PCDHGA11: variants seen among roughly 807,000 people sequenced by gnomAD.
PCDHGA11 encodes protocadherin gamma-A11.
PCDHGA11 carries 39 observed loss-of-function variants against 60.4 expected under a neutral mutation model. That is an observed-to-expected ratio of 0.65 (90% CI 0.50 to 0.84). PCDHGA11 has a LOEUF of 0.84. Ranked by LOEUF, PCDHGA11 falls within the 40% of genes least tolerant of loss-of-function variation. The pLI, the probability that PCDHGA11 is intolerant of heterozygous loss-of-function variation, is 0.00. For missense variants in PCDHGA11, 1,165 were observed against 1,197.7 expected (o/e 0.97, Z 0.40); for synonymous variants, 533 against 510.3 (o/e 1.04, Z -0.60).
chr5:141,489,354 G>A lies in PCDHGA11; in HGVS notation c.2434-5453G>A, dbSNP rs773010251. On this transcript the variant is annotated intron_variant, in intron 1 of 3. Coordinates refer to ENST00000398587, the MANE Select transcript of PCDHGA11 (RefSeq NM_018914.3). The surrounding 1 kb of genome is among the most constrained non-coding windows in gnomAD (Gnocchi z 4.5). ...AGCTTCGTTACTCAGTGGTGGAGGA[G>A]TCTGAGCCGGGGACGCTGGTGGGGA... The A allele has an allele frequency of 1.2e-5, 19 of 1,612,796 alleles. No homozygotes were observed. Among genetic ancestry groups the A allele is most frequent in the East Asian group, 2.2e-5 (1 of 44,868 alleles).
At chr5:141,471,743 C>T (rs769600930) in intron 1 of PCDHGA11, among the ~76,000 whole-genome samples, 2 of 152,142 alleles carry the variant, frequency 1.3e-5, no homozygotes, top group Non-Finnish European at 2.9e-5. Flanking sequence ...GGAGACATAA[C>T]ATATTTGAGG....
intron 1 of PCDHGA11, among the ~76,000 whole-genome samples, chr5:141,448,660 G>T (rs2098599264): frequency 6.6e-6 from 1 of 151,712 alleles, no homozygotes; most frequent in African/African-American, 2.4e-5. Context: ...TTCCATATTG[G>T]CCGGGCGCGG....
At chr5:141,441,932 C>A in intron 1 of PCDHGA11, 1 of 347,904 alleles carries the variant, frequency 2.9e-6, no homozygotes. Flanking sequence ...GCGTGGCTGT[C>A]CTACCACGTG....
intron 1 of PCDHGA11, chr5:141,427,448 TC>T (rs1355717683): frequency 6.2e-6 from 3 of 484,982 alleles, no homozygotes; most frequent in Non-Finnish European, 1.2e-5. Flanking sequence ...ACGAAAGAGT[TC>T]CTTTTAGAAT....
At position 141,477,107 on chromosome 5, in the gene PCDHGA11, C is replaced by A. The variant is rs1431445150; in HGVS notation, c.2434-17700C>A. ...CCAGGCCAAAGACAAGGGCGCCAAT[C>A]CCGAAGGAGCACATTGCAAAGTGTT... On this transcript the variant is annotated intron_variant, in intron 1 of 3. Coordinates refer to ENST00000398587, the MANE Select transcript of PCDHGA11 (RefSeq NM_018914.3). This position sits in a 1 kb window ranked among gnomAD's most constrained non-coding sequence, Gnocchi z 4.9. 1 of 1,614,252 alleles carries A rather than the reference C, an allele frequency of 6.2e-7. No homozygotes were observed. The highest frequency in any genetic ancestry group is 8.5e-7 in the Non-Finnish European group (1 of 1,180,048).
At position 141,477,505 on chromosome 5, in the gene PCDHGA11, C is replaced by T. The variant is rs2099412175; in HGVS notation, c.2434-17302C>T. The T allele has an allele frequency of 5.0e-6, 8 of 1,614,126 alleles. No individual in the cohort carries two copies. Among genetic ancestry groups the T allele is most frequent in the Admixed American group, 1.7e-5 (1 of 60,024 alleles). On this transcript the variant is annotated intron_variant, in intron 1 of 3. Transcript: ENST00000398587. This position sits in a 1 kb window ranked among gnomAD's most constrained non-coding sequence, Gnocchi z 4.9. ...CACAATCTTCTCAATCTTCCTACGACGTTTACATTGAAGAAAACAACCTCC... is the reference window on the plus strand; with the variant it reads ...CACAATCTTCTCAATCTTCCTACGATGTTTACATTGAAGAAAACAACCTCC...
rs1391608601 is a variant in PCDHGA11 at position 141,511,893 on chromosome 5, A to G, written c.*720A>G. The G allele has an allele frequency of 6.4e-6, 1 of 155,062 alleles. No homozygotes were observed. Among genetic ancestry groups the G allele is most frequent in the East Asian group, 1.9e-4 (1 of 5,240 alleles). 9.6% of individuals were successfully genotyped at this position (155,062 alleles called of 1,614,324 possible). A position where few individuals can be genotyped will look rare whatever the true frequency, so the allele number is the denominator to read the frequency against. On this transcript the variant is annotated 3_prime_UTR_variant, in exon 4 of 4. Transcript: ENST00000398587. ...TCCACTGCATGCCTTGACTTCCCCC[A>G]CCTCCTCCTCAAACAAGAGACTCCA...
At chr5:141,501,516 C>T (rs763346187) in intron 2 of PCDHGA11, among the ~76,000 whole-genome samples, 1 of 152,010 alleles carries the variant, frequency 6.6e-6, no homozygotes, top group African/African-American at 2.4e-5. Context: ...GGCCTCCAAG[C>T]TGAAGCCCAG....
intron 1 of PCDHGA11, among the ~76,000 whole-genome samples, chr5:141,453,510 T>C (rs11958830): frequency 0.2 from 30,607 of 152,026 alleles, 3,435 homozygotes; most frequent in African/African-American, 0.31. Flanking sequence ...AAAATTGTCA[T>C]TCCTCCCCTA....
chr5:141,481,724 C>T (rs1301509633), intron 1 of PCDHGA11, among the ~76,000 whole-genome samples: 2 of 151,882 alleles, frequency 1.3e-5, no homozygotes. Context: ...GAGGCGGAGG[C>T]GGGCGGATCA....
At position 141,476,606 on chromosome 5, in the gene PCDHGA11, G is replaced by T. The variant is rs2099394832; in HGVS notation, c.2434-18201G>T. The stretch of plus-strand genomic sequence containing the variant: ...GCTCGAGAGCGCGCACGATCCCGAT[G>T]TGGGAAGCAACTCTTTACAAACCTA... On this transcript the variant is annotated intron_variant, in intron 1 of 3. Transcript: ENST00000398587. The surrounding 1 kb of genome is among the most constrained non-coding windows in gnomAD (Gnocchi z 7.6). The T allele has an allele frequency of 1.9e-6, 3 of 1,614,126 alleles. No individual in the cohort carries two copies. Among genetic ancestry groups the T allele is most frequent in the Non-Finnish European group, 1.7e-6 (2 of 1,180,054 alleles).
intron 1 of PCDHGA11, chr5:141,427,871 GA>G: frequency 6.4e-7 from 1 of 1,559,532 alleles, no homozygotes; most frequent in Non-Finnish European, 8.8e-7. Context: ...TCGAGCTCAC[GA>G]TGCAGGCCCA....
At chr5:141,497,848 T>C (rs2099779951) in intron 2 of PCDHGA11, among the ~76,000 whole-genome samples, 1 of 152,178 alleles carries the variant, frequency 6.6e-6, no homozygotes, top group South Asian at 2.1e-4. Flanking sequence ...AACAAACATT[T>C]TTGATTCAGC....
In PCDHGA11 at chr5:141,490,996, G is replaced by A; in HGVS notation, c.2434-3811G>A. ...GCGTCTCCCTCGCTCTGCTCCTCCT[G>A]GCTCCTTGGTCACCAAGGTGACAGC... is the stretch of plus-strand genomic sequence containing the variant. On this transcript the variant is annotated intron_variant, in intron 1 of 3. Transcript: ENST00000398587. This position sits in a 1 kb window ranked among gnomAD's most constrained non-coding sequence, Gnocchi z 5.4. The A allele has an allele frequency of 6.2e-7, 1 of 1,614,090 alleles. No individual in the cohort carries two copies. The highest frequency in any genetic ancestry group is 8.5e-7 in the Non-Finnish European group (1 of 1,180,028).
At chr5:141,478,063 A>G in intron 1 of PCDHGA11, 1 of 1,614,168 alleles carries the variant, frequency 6.2e-7, no homozygotes, top group Non-Finnish European at 8.5e-7. Context: ...TCTTGATCAA[A>G]GACAATGGGG....
At chr5:141,465,889 G>A (rs956310325) in intron 1 of PCDHGA11, among the ~76,000 whole-genome samples, 4 of 152,056 alleles carry the variant, frequency 2.6e-5, no homozygotes, top group Admixed American at 6.5e-5. Context: ...TTGGGAGGCC[G>A]AGGCGGGCAA....
chr5:141,492,206 G>A (rs1180294159), intron 1 of PCDHGA11, among the ~76,000 whole-genome samples: 2 of 152,204 alleles, frequency 1.3e-5, no homozygotes, highest in Non-Finnish European at 2.9e-5. Context: ...TTAGGTGTGC[G>A]CGCGGGGCTC....
intron 1 of PCDHGA11, among the ~76,000 whole-genome samples, chr5:141,479,914 G>T (rs2099509746): frequency 6.6e-6 from 1 of 152,148 alleles, no homozygotes; most frequent in South Asian, 2.1e-4. Context: ...CTGTTATTTT[G>T]TTACTCAGTG....
chr5:141,492,962 C>T (rs1197532146), intron 1 of PCDHGA11, among the ~76,000 whole-genome samples: 2 of 152,258 alleles, frequency 1.3e-5, no homozygotes, highest in Non-Finnish European at 2.9e-5. Context: ...CTATCTGACA[C>T]TCTAACAAGT....
Sources: gnomAD v4.1 joint callset for allele counts (sites outside exome capture counted in the v4.1 genomes callset) on GRCh38, gnomAD v4.1.1 for gene constraint, Gnocchi (gnomAD v3.1) non-coding constraint, MANE v1.5 for transcripts, NCBI Gene and HGNC (gene_info 2026-07-23, HGNC 2026-07-21) for gene names.